Variants in PTK2 observed in about 807,000 individuals in gnomAD.
PTK2 encodes the protein protein tyrosine kinase 2.
A neutral mutation model predicts 150.1 loss-of-function variants in PTK2; 45 were observed. The ratio of observed to expected loss-of-function variants is 0.30; its 90% CI spans 0.24 to 0.38. The LOEUF is 0.38. PTK2 is among the 10% of genes least tolerant of loss of function. The pLI, the probability that PTK2 is intolerant of heterozygous loss-of-function variation, is 1.00. For synonymous variants in PTK2, 432 were observed against 449.2 expected (o/e 0.96, Z 0.48); for missense variants, 919 against 1,307.3 (o/e 0.70, Z 4.58).
intron 4 of PTK2, among the ~76,000 whole-genome samples, chr8:140,871,278 T>C (rs917917630): frequency 2.0e-5 from 3 of 152,196 alleles, no homozygotes; most frequent in African/African-American, 4.8e-5. Flanking sequence ...AAAATATATT[T>C]CAAAATCAAT....
At chr8:140,674,714 A>G (rs369438706) in intron 28 of PTK2, among the ~76,000 whole-genome samples, 199 of 151,468 alleles carry the variant, frequency 1.3e-3, no homozygotes, top group African/African-American at 4.6e-3. Context: ...ACTCTAGCCT[A>G]GGCAACAAGA....
At chr8:140,685,261 G>A (rs975001441) in intron 27 of PTK2, among the ~76,000 whole-genome samples, 3 of 152,042 alleles carry the variant, frequency 2.0e-5, no homozygotes, top group Admixed American at 6.6e-5. Context: ...GATTAAAGAC[G>A]TAAATGTAAA....
At chr8:140,733,778 G>C (rs963573163) in intron 22 of PTK2, among the ~76,000 whole-genome samples, 2 of 152,212 alleles carry the variant, frequency 1.3e-5, no homozygotes, top group African/African-American at 4.8e-5. Flanking sequence ...GAAAGGCAGA[G>C]TAGGGTTGTT....
At chr8:140,803,095 A>G (rs1183203337) in intron 11 of PTK2, among the ~76,000 whole-genome samples, 1 of 141,680 alleles carries the variant, frequency 7.1e-6, no homozygotes, top group Non-Finnish European at 1.5e-5. Flanking sequence ...GCTCACTGCA[A>G]CCTCTGCCTC....
At chr8:140,772,305 C>T (rs898742570) in intron 14 of PTK2, among the ~76,000 whole-genome samples, 6 of 152,226 alleles carry the variant, frequency 3.9e-5, no homozygotes, top group Admixed American at 6.5e-5. Context: ...GTCACGTACC[C>T]GTGGGCCCAG....
chr8:140,745,957 G>T (rs945516700), intron 18 of PTK2, among the ~76,000 whole-genome samples: 1 of 149,598 alleles, frequency 6.7e-6, no homozygotes, highest in Non-Finnish European at 1.5e-5. Context: ...CTGAGATCGC[G>T]CCATTGCACT....
At chr8:140,964,547 A>ATTTTTTTTT (rs1025644210) in intron 1 of PTK2, among the ~76,000 whole-genome samples, 2 of 76,816 alleles carry the variant, frequency 2.6e-5, no homozygotes, top group Non-Finnish European at 2.3e-5. Context: ...GCCCCAGGTA[A>ATTTTTTTTT]TTTTTTTTTT....
At chr8:140,727,911 G>C (rs2100046880) in intron 22 of PTK2, among the ~76,000 whole-genome samples, 1 of 152,080 alleles carries the variant, frequency 6.6e-6, no homozygotes, top group African/African-American at 2.4e-5. Flanking sequence ...AGTAGAGAAA[G>C]ACGGCCGGGC....
At chr8:140,979,229 G>A (rs1017253924) in intron 1 of PTK2, among the ~76,000 whole-genome samples, 2 of 150,800 alleles carry the variant, frequency 1.3e-5, no homozygotes, top group African/African-American at 2.4e-5. Context: ...CCTGCACGTT[G>A]TGCACATGTA....
intron 10 of PTK2, among the ~76,000 whole-genome samples, chr8:140,808,036 C>T (rs942568356): frequency 3.3e-5 from 5 of 152,072 alleles, no homozygotes; most frequent in African/African-American, 4.8e-5. Flanking sequence ...AAAGACAATG[C>T]AGTTAGATAA....
chr8:140,873,594 T>C (rs1357567440), intron 4 of PTK2, among the ~76,000 whole-genome samples: 2 of 152,100 alleles, frequency 1.3e-5, no homozygotes, highest in Non-Finnish European at 2.9e-5. Context: ...GCTTCCCCAG[T>C]AGCTGGGATT....
chr8:140,673,291 G>A (rs1194131752), intron 29 of PTK2, among the ~76,000 whole-genome samples: 1 of 151,958 alleles, frequency 6.6e-6, no homozygotes, highest in Non-Finnish European at 1.5e-5. Context: ...TGTATTTTTA[G>A]TAGAGACGGG....
At chr8:140,913,381 A>T (rs1009012003) in intron 2 of PTK2, among the ~76,000 whole-genome samples, 1 of 151,060 alleles carries the variant, frequency 6.6e-6, no homozygotes, top group Non-Finnish European at 1.5e-5. Flanking sequence ...TTGCAACCTC[A>T]ACCTCCCAGG....
chr8:140,896,800 G>GGGT (rs1491242842), intron 2 of PTK2, among the ~76,000 whole-genome samples: 1 of 62,542 alleles, frequency 1.6e-5, no homozygotes, highest in East Asian at 4.6e-4. Context: ...GGGGGGGGGG[G>GGGT]TGGGTAAAAC....
At chr8:140,674,334 G>C (rs1249427453) in exon 29 of PTK2, 1 of 1,608,238 alleles carries the variant, frequency 6.2e-7, no homozygotes, top group Non-Finnish European at 8.5e-7. Context: ...CAGGGCTGCT[G>C]AGGCTGGCAA....
chr8:140,938,473 C>G (rs1159955065), intron 1 of PTK2, among the ~76,000 whole-genome samples: 6 of 152,304 alleles, frequency 3.9e-5, no homozygotes, highest in East Asian at 3.9e-4. Context: ...CTGTCTGTCA[C>G]AAGGATTGTC....
Position 140,729,718 on chromosome 8 carries a change from C to G in PTK2, c.2030+5533G>C, listed in dbSNP as rs557644199. ...CAATATTAACAACCTGCTCACCAGT[C>G]CAAATCATAAGATGGCAGGCACACT... On this transcript the variant is annotated intron_variant, in intron 22 of 31. Coordinates refer to ENST00000522684, the Ensembl canonical transcript of PTK2. Among the ~76,000 whole-genome samples, 13 of 152,214 alleles carry G rather than the reference C, an allele frequency of 8.5e-5. No homozygotes were observed. In the East Asian group the frequency reaches 2.5e-3, roughly 29 times the overall value.
intron 15 of PTK2, among the ~76,000 whole-genome samples, chr8:140,763,202 G>A (rs1018308154): frequency 1.3e-5 from 2 of 152,188 alleles, no homozygotes; most frequent in Non-Finnish European, 2.9e-5. Context: ...AAGGGGACAT[G>A]GGCCCACAGG....
intron 1 of PTK2, among the ~76,000 whole-genome samples, chr8:140,995,405 G>GAA (rs1363580192): frequency 3.5e-4 from 50 of 142,374 alleles, no homozygotes; most frequent in Admixed American, 1.1e-3. Context: ...AAAAAGAAAA[G>GAA]AAACTCTATA....
Sources: gnomAD v4.1 joint callset for allele counts (sites outside exome capture counted in the v4.1 genomes callset) on GRCh38, gnomAD v4.1.1 for gene constraint, MANE v1.5 for transcripts, NCBI Gene and HGNC (gene_info 2026-07-23, HGNC 2026-07-21) for gene names.